Variants in ADTRP observed in about 807,000 individuals in gnomAD.
ADTRP encodes androgen-dependent TFPI-regulating protein.
A neutral mutation model predicts 27.0 loss-of-function variants in ADTRP; 20 were observed. The ratio of observed to expected loss-of-function variants is 0.74; its 90% CI spans 0.52 to 1.08. ADTRP has a LOEUF of 1.08. Among genes scored for constraint, ADTRP ranks in the 50% least tolerant of loss-of-function variants. The probability of loss-of-function intolerance (pLI) is 0.00; values close to 1 mark genes in which losing one functional copy is unlikely to be tolerated. For missense variants in ADTRP, 251 were observed against 275.0 expected (o/e 0.91, Z 0.62); for synonymous variants, 101 against 105.2 (o/e 0.96, Z 0.25).
Position 11,735,661 on chromosome 6 carries a change from G to A in ADTRP, c.413C>T (p.Thr138Ile), listed in dbSNP as rs1442468561. 2 of 1,613,800 alleles carry A rather than the reference G, an allele frequency of 1.2e-6. No homozygotes were observed. Among genetic ancestry groups the A allele is most frequent in the South Asian group, 1.1e-5 (1 of 91,052 alleles). ...HAMHTFIFPITLAEVVLRPHS... is the reference protein window; with the variant it reads ...HAMHTFIFPIILAEVVLRPHS... Reference sequence around the variant, plus strand: ...AGGCCTGAGGACGACTTCAGCCAATGTGATGGGGAATATGAAAGTGTGCTG... The same window carrying A: ...AGGCCTGAGGACGACTTCAGCCAATATGATGGGGAATATGAAAGTGTGCTG... Residue 138 changes from threonine (T) to isoleucine (I), a missense_variant, in exon 4 of 6, where the codon ACA becomes ATA. Thr to Ile is a moderately conservative substitution (Grantham distance 89, BLOSUM62 -1). Coordinates refer to ENST00000414691, the MANE Select transcript of ADTRP (RefSeq NM_032744.4).
intron 1 of ADTRP, among the ~76,000 whole-genome samples, chr6:11,775,446 C>A (rs865970653): frequency 8.6e-5 from 13 of 152,016 alleles, no homozygotes; most frequent in African/African-American, 3.1e-4. Flanking sequence ...CCCAGGGTCT[C>A]GGGGGCAGTA....
At chr6:11,770,185 G>C in intron 1 of ADTRP, 1 of 1,131,610 alleles carries the variant, frequency 8.8e-7, no homozygotes, top group South Asian at 1.3e-5. Context: ...CCAGGTGGGA[G>C]AATGAACGAC....
chr6:11,776,870 T>C (rs1468602879), intron 1 of ADTRP, among the ~76,000 whole-genome samples: 1 of 152,194 alleles, frequency 6.6e-6, no homozygotes, highest in Non-Finnish European at 1.5e-5. Context: ...TGTGGTTTCC[T>C]GAGCGGCAGG....
chr6:11,758,443 T>C (rs754242017), intron 3 of ADTRP, among the ~76,000 whole-genome samples: 2 of 151,902 alleles, frequency 1.3e-5, no homozygotes, highest in Non-Finnish European at 2.9e-5. Context: ...GTGGCTTTTT[T>C]TTCATTCTCA....
Position 11,771,306 on chromosome 6 carries a change from G to A in ADTRP, c.154-2923C>T, listed in dbSNP as rs567072999. 3.9e-5 allele frequency among the ~76,000 whole-genome samples: 6 copies of A among 152,316 alleles called. No individual in the cohort carries two copies. The East Asian group carries it at 1.2e-3, about 29-fold the overall frequency. ...GTCGCCATCGAGCTTACTCAACATT[G>A]AGGCGTCTTTGTCCGAATTCACCAC... On this transcript the variant is annotated intron_variant, in intron 1 of 5. Transcript: ENST00000414691.
chr6:11,758,572 G>GGGA (rs1763288345), intron 3 of ADTRP, among the ~76,000 whole-genome samples: 1 of 84,796 alleles, frequency 1.2e-5, no homozygotes, highest in African/African-American at 4.8e-5. Context: ...GACTGTTGTG[G>GGGA]GGTGGGGGGG....
At chr6:11,744,274 G>A (rs1762801420) in intron 3 of ADTRP, among the ~76,000 whole-genome samples, 1 of 152,222 alleles carries the variant, frequency 6.6e-6, no homozygotes, top group Non-Finnish European at 1.5e-5. Context: ...TTAGCAGCAT[G>A]CTTCCTGTAC....
intron 3 of ADTRP, among the ~76,000 whole-genome samples, chr6:11,741,230 A>G (rs1373322682): frequency 6.6e-6 from 1 of 152,226 alleles, no homozygotes; most frequent in Non-Finnish European, 1.5e-5. Flanking sequence ...TTTGCAATTT[A>G]CTCTGAAATG....
chr6:11,727,917 G>GGAAGGAAGGAAGGACGGAAA (rs1762263853), intron 4 of ADTRP, among the ~76,000 whole-genome samples: 2 of 37,794 alleles, frequency 5.3e-5, no homozygotes, highest in Non-Finnish European at 2.4e-4. Flanking sequence ...GAAAGAAGAA[G>GGAAGGAAGGAAGGACGGAAA]GAAGGAAGGA....
chr6:11,717,250 T>TTAAC (rs1761862928), intron 5 of ADTRP: 2 of 1,289,832 alleles, frequency 1.6e-6, no homozygotes, highest in African/African-American at 3.1e-5. Flanking sequence ...TTTTATTCCT[T>TTAAC]TAACTGCTGT....
chr6:11,757,776 A>G (rs1236418491), intron 3 of ADTRP, among the ~76,000 whole-genome samples: 2 of 152,250 alleles, frequency 1.3e-5, no homozygotes, highest in Non-Finnish European at 2.9e-5. Context: ...TGGCAACACC[A>G]GAAGCTGAAG....
At chr6:11,754,906 G>T in intron 3 of ADTRP, 2 of 453,644 alleles carry the variant, frequency 4.4e-6, no homozygotes, top group Non-Finnish European at 5.8e-6. Context: ...CGCCCAGCAG[G>T]CTGCTCTCGG....
chr6:11,736,532 T>C (rs564869477), intron 3 of ADTRP: 3 of 152,676 alleles, frequency 2.0e-5, no homozygotes, highest in Non-Finnish European at 4.4e-5. Flanking sequence ...ACCCCCCTGT[T>C]AGACCGAGGC....
chr6:11,776,109 G>A (rs956985619), intron 1 of ADTRP, among the ~76,000 whole-genome samples: 5 of 152,106 alleles, frequency 3.3e-5, no homozygotes, highest in Non-Finnish European at 5.9e-5. Context: ...CAACATATTC[G>A]AAATCTACAT....
intron 2 of ADTRP, chr6:11,767,773 T>C (rs1320181549): frequency 1.3e-5 from 2 of 153,484 alleles, no homozygotes; most frequent in East Asian, 3.8e-4. Context: ...GGTTGTCTTT[T>C]CCATGTGCCA....
intron 4 of ADTRP, among the ~76,000 whole-genome samples, chr6:11,727,474 G>C (rs936662123): frequency 1.1e-4 from 16 of 152,162 alleles, no homozygotes; most frequent in African/African-American, 3.4e-4. Flanking sequence ...TGGAGTCAGT[G>C]AGGAGCTCTG....
At chr6:11,776,315 C>T (rs114202780) in intron 1 of ADTRP, among the ~76,000 whole-genome samples, 3,040 of 152,206 alleles carry the variant, frequency 0.02, 124 homozygotes, top group African/African-American at 0.069. Context: ...GCTGAGGTCA[C>T]GTCAACGTAC....
At chr6:11,751,919 C>T (rs925075580) in intron 3 of ADTRP, among the ~76,000 whole-genome samples, 6 of 152,186 alleles carry the variant, frequency 3.9e-5, no homozygotes, top group African/African-American at 1.4e-4. Flanking sequence ...TCGATCTAGC[C>T]ATGGTTTCTT....
intron 3 of ADTRP, among the ~76,000 whole-genome samples, chr6:11,751,799 T>C (rs1763064457): frequency 6.6e-6 from 1 of 152,238 alleles, no homozygotes; most frequent in Non-Finnish European, 1.5e-5. Context: ...ATTTTGCCTC[T>C]ATTGTAAAAG....
Sources: allele counts gnomAD v4.1 joint callset (sites outside exome capture counted in the v4.1 genomes callset), GRCh38; gene constraint gnomAD v4.1.1; transcripts MANE v1.5; gene names NCBI Gene and HGNC (gene_info 2026-07-23, HGNC 2026-07-21).